The following KLHL1 variants were observed in gnomAD, a reference collection of about 807,000 sequenced individuals.
The protein encoded by KLHL1 is kelch like family member 1.
Under a neutral mutation model 77.7 loss-of-function variants are expected in KLHL1, and 47 were observed. The observed-to-expected ratio is 0.60, with a 90% CI of 0.48 to 0.77. The LOEUF (loss-of-function observed/expected upper bound fraction) is 0.77, where lower values mean the gene tolerates loss of function less well. Ranked by LOEUF, KLHL1 falls within the 30% of genes least tolerant of loss-of-function variation. The pLI is 0.00. For synonymous variants in KLHL1, 360 were observed against 325.2 expected (o/e 1.11, Z -1.15); for missense variants, 925 against 910.8 (o/e 1.02, Z -0.20).
At chr13:70,038,654 G>A (rs1174658468) in intron 1 of KLHL1, among the ~76,000 whole-genome samples, 4 of 126,508 alleles carry the variant, frequency 3.2e-5, no homozygotes, top group Admixed American at 1.1e-4. Flanking sequence ...GCAATGATGC[G>A]ATCTCAGCTC....
rs571330843 is a variant in KLHL1, at chr13:70,009,936, T to C, written c.498-34134A>G. Among the ~76,000 whole-genome samples the C allele has an allele frequency of 3.3e-5, 5 of 151,486 alleles. No individual in the cohort carries two copies. The East Asian group carries it at 9.7e-4, about 30-fold the overall frequency. On this transcript the variant is annotated intron_variant, in intron 1 of 10. Coordinates refer to ENST00000377844, the MANE Select transcript of KLHL1 (RefSeq NM_020866.3). ...AAAAATCTGGATGAAAGAGAGAAGA[T>C]ACCATTGTATAATAAAGTCACATTT... is the stretch of plus-strand genomic sequence containing the variant.
intron 6 of KLHL1, among the ~76,000 whole-genome samples, chr13:69,814,047 C>T (rs980604733): frequency 3.9e-5 from 6 of 151,940 alleles, no homozygotes; most frequent in African/African-American, 1.4e-4. Flanking sequence ...AAAATATAAA[C>T]ACACAGACAA....
intron 1 of KLHL1, among the ~76,000 whole-genome samples, chr13:70,043,809 A>T (rs1007988393): frequency 3.3e-5 from 5 of 152,172 alleles, no homozygotes; most frequent in Non-Finnish European, 4.4e-5. Flanking sequence ...ACATTGCCCA[A>T]AGATGCATTT....
At chr13:70,015,953 G>A (rs1885646658) in intron 1 of KLHL1, among the ~76,000 whole-genome samples, 2 of 151,998 alleles carry the variant, frequency 1.3e-5, no homozygotes, top group African/African-American at 2.4e-5. Context: ...ACATTTCTAT[G>A]GGGTAGACCC....
intron 1 of KLHL1, among the ~76,000 whole-genome samples, chr13:70,073,416 G>T (rs543004903): frequency 6.6e-6 from 1 of 152,194 alleles, no homozygotes; most frequent in Non-Finnish European, 1.5e-5. Flanking sequence ...TGTGGGGTTC[G>T]GGGAGGGAGG....
intron 2 of KLHL1, among the ~76,000 whole-genome samples, chr13:69,963,523 A>T (rs1884129375): frequency 6.6e-6 from 1 of 152,166 alleles, no homozygotes; most frequent in Non-Finnish European, 1.5e-5. Context: ...TATTCTCCTT[A>T]AAAACAAACT....
At chr13:69,935,894 T>C (rs1566420617) in intron 4 of KLHL1, among the ~76,000 whole-genome samples, 1 of 152,260 alleles carries the variant, frequency 6.6e-6, no homozygotes, top group East Asian at 1.9e-4. Context: ...GACACTTTGA[T>C]GGAACAAAAA....
intron 1 of KLHL1, among the ~76,000 whole-genome samples, chr13:70,022,080 CT>C (rs1885814027): frequency 6.6e-6 from 1 of 151,876 alleles, no homozygotes; most frequent in South Asian, 2.1e-4. Flanking sequence ...TGATTTTCTC[CT>C]TTTTTCTTCT....
chr13:69,749,771 T>G (rs1211962729), intron 7 of KLHL1, among the ~76,000 whole-genome samples: 2 of 152,120 alleles, frequency 1.3e-5, no homozygotes, highest in East Asian at 1.9e-4. Flanking sequence ...ATAATTTCTC[T>G]GAAGCTAATT....
intron 6 of KLHL1, among the ~76,000 whole-genome samples, chr13:69,811,934 C>A (rs903009692): frequency 9.9e-5 from 15 of 151,944 alleles, no homozygotes; most frequent in African/African-American, 3.4e-4. Flanking sequence ...TTATTTCTTG[C>A]CTTCTGCTAG....
intron 4 of KLHL1, among the ~76,000 whole-genome samples, chr13:69,899,960 C>T (rs546507957): frequency 6.6e-6 from 1 of 152,148 alleles, no homozygotes; most frequent in South Asian, 2.1e-4. Context: ...TATGAATGGA[C>T]TTAAAAATAT....
chr13:69,800,810 T>C (rs562041222), intron 6 of KLHL1, among the ~76,000 whole-genome samples: 20 of 152,162 alleles, frequency 1.3e-4, no homozygotes, highest in Non-Finnish European at 2.2e-4. Context: ...TCGTGAGTAA[T>C]TTTAGCCTTT....
At chr13:69,815,005 G>A (rs996472660) in intron 6 of KLHL1, among the ~76,000 whole-genome samples, 70 of 151,592 alleles carry the variant, frequency 4.6e-4, no homozygotes, top group African/African-American at 1.1e-3. Flanking sequence ...GTGAGACTCC[G>A]TCTCTAAAAA....
At chr13:69,780,709 T>TACAC (rs1555267653) in intron 7 of KLHL1, among the ~76,000 whole-genome samples, 17 of 37,346 alleles carry the variant, frequency 4.6e-4, no homozygotes, top group African/African-American at 2.4e-3. Flanking sequence ...TATGTATATA[T>TACAC]ATATATGTAT....
At chr13:69,840,660 G>A (rs1029329446) in intron 5 of KLHL1, among the ~76,000 whole-genome samples, 4 of 150,248 alleles carry the variant, frequency 2.7e-5, no homozygotes, top group Non-Finnish European at 4.4e-5. Context: ...GCCTTTCTAC[G>A]CACTTTTATT....
chr13:69,963,070 A>T (rs1274431033), intron 2 of KLHL1, among the ~76,000 whole-genome samples: 1 of 151,598 alleles, frequency 6.6e-6, no homozygotes, highest in African/African-American at 2.4e-5. Flanking sequence ...TAATTTCAGC[A>T]TTTTTTTTAG....
At chr13:70,095,230 T>TA (rs2137447206) in intron 1 of KLHL1, among the ~76,000 whole-genome samples, 1 of 152,236 alleles carries the variant, frequency 6.6e-6, no homozygotes, top group East Asian at 1.9e-4. Flanking sequence ...AAAGAGGCTT[T>TA]TGCACCACTT....
chr13:70,091,767 ATTCTAC>A (rs1387393648), intron 1 of KLHL1, among the ~76,000 whole-genome samples: 2 of 152,140 alleles, frequency 1.3e-5, no homozygotes, highest in African/African-American at 4.8e-5. Context: ...TTAATTCTAC[ATTCTAC>A]TTCTACAAGT....
chr13:69,834,511 T>C (rs1878902773), intron 6 of KLHL1, among the ~76,000 whole-genome samples: 1 of 152,010 alleles, frequency 6.6e-6, no homozygotes, highest in African/African-American at 2.4e-5. Flanking sequence ...TCACACAAAG[T>C]TTACATTGAT....
Sources: gnomAD v4.1 joint callset for allele counts (sites outside exome capture counted in the v4.1 genomes callset) on GRCh38, gnomAD v4.1.1 for gene constraint, MANE v1.5 for transcripts, NCBI Gene and HGNC (gene_info 2026-07-23, HGNC 2026-07-21) for gene names.